Variants in EPHX2 observed in about 807,000 individuals in gnomAD.
EPHX2 encodes the protein epoxide hydrolase 2, also known as bifunctional epoxide hydrolase 2.
EPHX2 carries 74 observed loss-of-function variants against 78.7 expected under a neutral mutation model. The observed-to-expected ratio is 0.94, with a 90% CI of 0.78 to 1.14. The LOEUF is 1.14. Among genes scored for constraint, EPHX2 ranks in the 50% most tolerant of loss-of-function variants. EPHX2 has a pLI of 0.00. For missense variants in EPHX2, 715 were observed against 702.5 expected, an observed-to-expected ratio of 1.02 and a Z score of -0.20; for synonymous variants, 251 against 255.2, an observed-to-expected ratio of 0.98 and a Z score of 0.16.
intron 12 of EPHX2, among the ~76,000 whole-genome samples, chr8:27,530,302 G>T (rs1814992477): frequency 6.6e-6 from 1 of 152,124 alleles, no homozygotes; most frequent in Admixed American, 6.5e-5. Flanking sequence ...TTGAAATTAT[G>T]AAGTAATTCA....
At chr8:27,541,436 A>G in intron 15 of EPHX2, 37 bp from the exon 16 acceptor site, 11 of 1,607,634 alleles carry the variant, frequency 6.8e-6, no homozygotes, top group African/African-American at 1.3e-5. Context: ...CCGTCTACTT[A>G]CTGCCTCCCT....
At chr8:27,528,827 A>G (rs1395390528) in intron 12 of EPHX2, among the ~76,000 whole-genome samples, 1 of 152,090 alleles carries the variant, frequency 6.6e-6, no homozygotes, top group Non-Finnish European at 1.5e-5. Context: ...ACAGAGTCTC[A>G]CTGTGTCGCC....
At chr8:27,512,730 A>C (rs1814298831) in intron 6 of EPHX2, among the ~76,000 whole-genome samples, 1 of 152,118 alleles carries the variant, frequency 6.6e-6, no homozygotes, top group African/African-American at 2.4e-5. Flanking sequence ...GCTACTGTGC[A>C]GGCAGATAAA....
At chr8:27,493,380 T>C (rs1236747056) in intron 1 of EPHX2, among the ~76,000 whole-genome samples, 1 of 152,180 alleles carries the variant, frequency 6.6e-6, no homozygotes, top group African/African-American at 2.4e-5. Context: ...TTCTCAGCAG[T>C]GAGGAGGTCT....
At chr8:27,510,013 C>T (rs1347545846) in intron 5 of EPHX2, among the ~76,000 whole-genome samples, 2 of 152,194 alleles carry the variant, frequency 1.3e-5, no homozygotes, top group Non-Finnish European at 1.5e-5. Context: ...ACCATGGGCT[C>T]ATGGCCATCA....
At chr8:27,503,505 T>C in intron 2 of EPHX2, 99 bp from the exon 3 acceptor site, 2 of 1,332,164 alleles carry the variant, frequency 1.5e-6, no homozygotes, top group Non-Finnish European at 2.0e-6. Flanking sequence ...AGGAGTGGAA[T>C]TGCTTGGTCA....
chr8:27,521,038 A>G (rs1238048903), intron 10 of EPHX2, 129 bp downstream of exon 10: 1 of 1,038,774 alleles, frequency 9.6e-7, no homozygotes, highest in Non-Finnish European at 1.5e-6. Context: ...TTTAGGGCAG[A>G]GTGGGCATGG....
chr8:27,542,262 C>A (rs1815426071), intron 16 of EPHX2, among the ~76,000 whole-genome samples: 1 of 152,146 alleles, frequency 6.6e-6, no homozygotes, highest in Admixed American at 6.5e-5. Context: ...AAAATTAAGT[C>A]TTGAGGCACT....
intron 9 of EPHX2, among the ~76,000 whole-genome samples, chr8:27,520,044 G>T (rs1379150723): frequency 4.1e-5 from 6 of 145,452 alleles, no homozygotes; most frequent in Non-Finnish European, 3.0e-5. Context: ...GTCTCCTTAT[G>T]TTGCCCCGGT....
At chr8:27,528,143 T>C (rs913441011) in intron 12 of EPHX2, among the ~76,000 whole-genome samples, 2 of 152,194 alleles carry the variant, frequency 1.3e-5, no homozygotes, top group Non-Finnish European at 2.9e-5. Context: ...TTACAGCCCT[T>C]GTCAAGGCAC....
At chr8:27,529,889 CAAA>C (rs56851108) in intron 12 of EPHX2, among the ~76,000 whole-genome samples, 6 of 90,308 alleles carry the variant, frequency 6.6e-5, no homozygotes, top group African/African-American at 6.5e-5. Flanking sequence ...CCAGCCTGAG[CAAA>C]AAAAAAAAAA....
chr8:27,538,781 T>C, intron 14 of EPHX2, 89 bp downstream of exon 14: 1 of 1,443,568 alleles, frequency 6.9e-7, no homozygotes, highest in East Asian at 2.3e-5. Flanking sequence ...GCAGAAGCCC[T>C]GAGCTCTCCA....
chr8:27,538,754 G>A lies in EPHX2; in HGVS notation c.1276+62G>A, dbSNP rs745414194. On this transcript the variant is annotated intron_variant, in intron 14 of 18. Coordinates refer to ENST00000521400, the MANE Select transcript of EPHX2 (RefSeq NM_001979.6). ...AGCTGAATGTTAAAGGGATGTTTCTGTCTCTGACTGCTATGGGCAGAAGCC... is the reference window on the plus strand; with the variant it reads ...AGCTGAATGTTAAAGGGATGTTTCTATCTCTGACTGCTATGGGCAGAAGCC... The A allele has an allele frequency of 3.8e-6, 6 of 1,560,616 alleles. No homozygotes were observed. The Admixed American group carries it at 5.0e-5, about 13-fold the overall frequency.
chr8:27,491,915 A>G (rs915600651), intron 1 of EPHX2, among the ~76,000 whole-genome samples: 2 of 152,120 alleles, frequency 1.3e-5, no homozygotes, highest in African/African-American at 2.4e-5. Context: ...GATTAGGAAT[A>G]ATGTAATGAT....
chr8:27,513,821 C>A (rs185660827), intron 6 of EPHX2, among the ~76,000 whole-genome samples: 1 of 152,106 alleles, frequency 6.6e-6, no homozygotes, highest in African/African-American at 2.4e-5. Context: ...AGAACACAGG[C>A]GAACTAGGAT....
At chr8:27,537,628 A>T (rs1439396856) in intron 13 of EPHX2, among the ~76,000 whole-genome samples, 1 of 152,076 alleles carries the variant, frequency 6.6e-6, no homozygotes, top group East Asian at 1.9e-4. Flanking sequence ...AGTTTTTTTT[A>T]ATTTGTGAAA....
At chr8:27,535,389 G>A (rs911817102) in intron 12 of EPHX2, among the ~76,000 whole-genome samples, 24 of 151,984 alleles carry the variant, frequency 1.6e-4, no homozygotes, top group Admixed American at 1.5e-3. Context: ...TGGCCAGGCC[G>A]GTCTCAAACT....
intron 10 of EPHX2, among the ~76,000 whole-genome samples, chr8:27,521,713 C>G (rs1218573636): frequency 6.6e-6 from 1 of 152,220 alleles, no homozygotes; most frequent in Non-Finnish European, 1.5e-5. Flanking sequence ...CCCAGAGTGG[C>G]CACCCAGTCC....
intron 2 of EPHX2, 70 bp downstream of exon 2, chr8:27,501,080 T>C (rs1322202180): frequency 4.3e-5 from 60 of 1,396,786 alleles, no homozygotes; most frequent in Non-Finnish European, 5.8e-5. Flanking sequence ...CTCCCCGAAC[T>C]TGGGGCCCAC....
Sources: allele counts gnomAD v4.1 joint callset (sites outside exome capture counted in the v4.1 genomes callset), GRCh38; gene constraint gnomAD v4.1.1; transcripts MANE v1.5; gene names NCBI Gene and HGNC (gene_info 2026-07-23, HGNC 2026-07-21).